XKR9: variants seen among roughly 807,000 people sequenced by gnomAD.
XKR9 encodes XK related 9.
Under a neutral mutation model 32.0 loss-of-function variants are expected in XKR9, and 32 were observed. The ratio of observed to expected loss-of-function variants is 1.00; its 90% CI spans 0.76 to 1.34. The LOEUF is 1.34. Ranked by LOEUF, XKR9 falls within the 40% of genes most tolerant of loss-of-function variation. The probability of loss-of-function intolerance (pLI) is 0.00; values close to 1 mark genes in which losing one functional copy is unlikely to be tolerated. For synonymous variants in XKR9, 168 were observed against 143.4 expected, an observed-to-expected ratio of 1.17 and a Z score of -1.22; for missense variants, 546 against 429.7, an observed-to-expected ratio of 1.27 and a Z score of -2.39.
the XKR9 span, among the ~76,000 whole-genome samples, chr8:70,960,445 A>C: frequency 1.3e-5 from 2 of 152,200 alleles, no homozygotes; most frequent in Admixed American, 6.5e-5. Context: ...ATGCATCCAC[A>C]GATAGATAGG....
chr8:70,801,552 A>T, the XKR9 span, among the ~76,000 whole-genome samples: 2 of 152,018 alleles, frequency 1.3e-5, no homozygotes, highest in Admixed American at 6.5e-5. Context: ...TTCTTTTTTT[A>T]AAATTTGCTG....
At chr8:70,760,547 C>G (rs1218321006) in intron 2 of XKR9, among the ~76,000 whole-genome samples, 1 of 152,040 alleles carries the variant, frequency 6.6e-6, no homozygotes, top group African/African-American at 2.4e-5. Context: ...TGCTATGTTT[C>G]CCAGGCTAGC....
chr8:70,979,524 G>T, the XKR9 span, among the ~76,000 whole-genome samples: 1 of 152,176 alleles, frequency 6.6e-6, no homozygotes, highest in African/African-American at 2.4e-5. Flanking sequence ...GGAGTTTGCT[G>T]GAGGTCCACT....
chr8:70,780,143 C>T (rs1051084143), intron 2 of XKR9, among the ~76,000 whole-genome samples: 1 of 151,580 alleles, frequency 6.6e-6, no homozygotes, highest in Non-Finnish European at 1.5e-5. Flanking sequence ...ATTGTCTTTT[C>T]TCTCTTTTTT....
intron 2 of XKR9, among the ~76,000 whole-genome samples, chr8:70,760,842 T>G (rs1178405875): frequency 6.6e-6 from 1 of 152,186 alleles, no homozygotes; most frequent in Non-Finnish European, 1.5e-5. Context: ...ATTGGTTATT[T>G]TTCCTGATCC....
At chr8:70,813,470 A>C in the XKR9 span, among the ~76,000 whole-genome samples, 1 of 152,248 alleles carries the variant, frequency 6.6e-6, no homozygotes, top group Admixed American at 6.5e-5. Context: ...GAGCTTCTGC[A>C]CAGCAAAAGA....
At chr8:70,815,946 G>C in the XKR9 span, among the ~76,000 whole-genome samples, 1 of 152,104 alleles carries the variant, frequency 6.6e-6, no homozygotes. Flanking sequence ...TAGTGCTGCA[G>C]TGTCCATACA....
chr8:70,996,851 A>G, the XKR9 span, among the ~76,000 whole-genome samples: 5 of 152,190 alleles, frequency 3.3e-5, no homozygotes, highest in Admixed American at 6.5e-5. Context: ...TATCCTCCCT[A>G]TACCTGGAGT....
the XKR9 span, among the ~76,000 whole-genome samples, chr8:70,807,207 C>T: frequency 6.6e-6 from 1 of 152,126 alleles, no homozygotes; most frequent in Non-Finnish European, 1.5e-5. Flanking sequence ...TTCAGACAAG[C>T]AAATGCTGAG....
the XKR9 span, among the ~76,000 whole-genome samples, chr8:71,022,469 T>G: frequency 2.6e-5 from 4 of 152,160 alleles, no homozygotes; most frequent in African/African-American, 9.7e-5. Context: ...GCCTATAAGG[T>G]TTCTGCTGAG....
At chr8:71,018,786 A>T in the XKR9 span, among the ~76,000 whole-genome samples, 7 of 152,338 alleles carry the variant, frequency 4.6e-5, no homozygotes, top group African/African-American at 1.7e-4. Context: ...AAAAAACTTT[A>T]AAATATAATA....
chr8:70,946,054 G>A, the XKR9 span, among the ~76,000 whole-genome samples: 46 of 152,266 alleles, frequency 3.0e-4, no homozygotes, highest in African/African-American at 1.1e-3. Flanking sequence ...AGAATCACTT[G>A]AACCTGGGAG....
At chr8:70,966,253 C>CT in the XKR9 span, among the ~76,000 whole-genome samples, 2 of 151,396 alleles carry the variant, frequency 1.3e-5, no homozygotes, top group South Asian at 4.2e-4. Flanking sequence ...TTCCTTTTTT[C>CT]TTTTTTTTCT....
At chr8:70,755,924 A>G (rs1032949829) in intron 2 of XKR9, among the ~76,000 whole-genome samples, 1 of 152,138 alleles carries the variant, frequency 6.6e-6, no homozygotes. Flanking sequence ...AATAATTAAA[A>G]AAAAGATTTT....
At chr8:70,786,530 T>C (rs937302238) in intron 2 of XKR9, among the ~76,000 whole-genome samples, 14 of 152,154 alleles carry the variant, frequency 9.2e-5, no homozygotes, top group African/African-American at 3.4e-4. Flanking sequence ...CATAATGTCC[T>C]TTTTTTGCTT....
At chr8:70,823,555 C>G in the XKR9 span, among the ~76,000 whole-genome samples, 1 of 152,144 alleles carries the variant, frequency 6.6e-6, no homozygotes, top group Non-Finnish European at 1.5e-5. Flanking sequence ...CTGCTTATCT[C>G]TGATAGGAAT....
At chr8:70,756,899 G>A (rs1319621594) in intron 2 of XKR9, among the ~76,000 whole-genome samples, 1 of 152,010 alleles carries the variant, frequency 6.6e-6, no homozygotes, top group East Asian at 1.9e-4. Context: ...AAGTGTTGAG[G>A]GTGGACATCC....
intron 2 of XKR9, among the ~76,000 whole-genome samples, chr8:70,752,785 A>G (rs959733001): frequency 6.6e-6 from 1 of 152,226 alleles, no homozygotes; most frequent in Non-Finnish European, 1.5e-5. Flanking sequence ...AGGGAAATTT[A>G]TAGCACTAAA....
At chr8:70,738,830 A>T (rs1304672441), downstream of XKR9, among the ~76,000 whole-genome samples, 2 of 152,144 alleles carry the variant, frequency 1.3e-5, no homozygotes, top group Non-Finnish European at 2.9e-5. Flanking sequence ...CTGTGGTCTG[A>T]GAGACAGTTT....
Sources: allele counts gnomAD v4.1 joint callset (sites outside exome capture counted in the v4.1 genomes callset), GRCh38; gene constraint gnomAD v4.1.1; transcripts MANE v1.5; gene names NCBI Gene and HGNC (gene_info 2026-07-23, HGNC 2026-07-21).